Variants in FHOD3 observed in about 807,000 individuals in gnomAD.
FHOD3 encodes FH1/FH2 domain-containing protein 3.
A neutral mutation model predicts 173.0 loss-of-function variants in FHOD3; 90 were observed. That is an observed-to-expected ratio of 0.52 (90% CI 0.44 to 0.62). The LOEUF is 0.62. FHOD3 is among the 20% of genes least tolerant of loss of function. The pLI, the probability that FHOD3 is intolerant of heterozygous loss-of-function variation, is 0.00. For synonymous variants in FHOD3, 828 were observed against 823.0 expected (o/e 1.01, Z -0.10); for missense variants, 1,945 against 2,034.7 (o/e 0.96, Z 0.85).
At chr18:36,613,692 G>A (rs1422595270) in intron 9 of FHOD3, among the ~76,000 whole-genome samples, 1 of 152,090 alleles carries the variant, frequency 6.6e-6, no homozygotes, top group East Asian at 1.9e-4. Flanking sequence ...GTTGTTTTTT[G>A]AGACAGTCTC....
chr18:36,744,667 G>A (rs1309722713), intron 23 of FHOD3, among the ~76,000 whole-genome samples: 2 of 152,376 alleles, frequency 1.3e-5, no homozygotes, highest in African/African-American at 4.8e-5. Context: ...CTTGCCCAGA[G>A]GGAACATTTT....
intron 27 of FHOD3, 100 bp downstream of exon 27, chr18:36,760,882 C>T: frequency 1.5e-6 from 2 of 1,296,584 alleles, no homozygotes; most frequent in African/African-American, 1.5e-5. Flanking sequence ...CTGTGACTGG[C>T]CCTCGGCTCC....
At chr18:36,653,023 T>G (rs1311441739) in intron 12 of FHOD3, 94 bp downstream of exon 12, 1 of 1,431,482 alleles carries the variant, frequency 7.0e-7, no homozygotes, top group East Asian at 2.5e-5. Context: ...TCTGCCATGT[T>G]TTTTTGTGGA....
chr18:36,501,342 GCCATGCTGCCCTTGGGTCTC>G (rs1164260378), intron 3 of FHOD3, among the ~76,000 whole-genome samples: 1 of 152,192 alleles, frequency 6.6e-6, no homozygotes, highest in Admixed American at 6.5e-5. Flanking sequence ...CCGTAGAGCT[GCCATGCTGCCCTTGGGTCTC>G]CCATGCTGCC....
In FHOD3 at chr18:36,688,001, G is replaced by A. The variant is rs550604205; in HGVS notation, c.2021+823G>A. 4.6e-5 allele frequency among the ~76,000 whole-genome samples: 7 copies of A among 152,166 alleles called. 1 individual carries two copies. In the South Asian group the frequency reaches 1.0e-3, roughly 23 times the overall value. The stretch of plus-strand genomic sequence containing the variant: ...TTATTAAAATGTTGCTGTAATATTC[G>A]AACCAGCCTAGGTCATATAACAGAG... On this transcript the variant is annotated intron_variant, in intron 16 of 28. Transcript: ENST00000590592.
chr18:36,385,758 CA>C (rs1361124093), intron 3 of FHOD3, among the ~76,000 whole-genome samples: 2 of 152,166 alleles, frequency 1.3e-5, no homozygotes, highest in South Asian at 2.1e-4. Flanking sequence ...AAGCACTGAA[CA>C]GTCAGCATGT....
chr18:36,490,808 G>A lies in FHOD3; in HGVS notation c.338-11124G>A, dbSNP rs540772478. ...ATGGTCAGTGATTGTTTGAAAGAAG[G>A]AAAGACAGGAGGAGTTAGGATTGCC... On this transcript the variant is annotated intron_variant, in intron 3 of 28. Transcript: ENST00000590592. Among the ~76,000 whole-genome samples, 253 of 152,314 alleles carry A rather than the reference G, an allele frequency of 1.7e-3. 2 individuals carry two copies. The highest frequency in any genetic ancestry group is 6.0e-3 in the African/African-American group (251 of 41,560).
intron 9 of FHOD3, among the ~76,000 whole-genome samples, chr18:36,620,748 C>G (rs1385953677): frequency 1.3e-5 from 2 of 152,250 alleles, no homozygotes; most frequent in Non-Finnish European, 2.9e-5. Context: ...TGTAATAACT[C>G]AAGCTGTGAC....
intron 3 of FHOD3, among the ~76,000 whole-genome samples, chr18:36,435,358 G>C (rs76159674): frequency 4.6e-5 from 7 of 152,156 alleles, no homozygotes; most frequent in African/African-American, 1.7e-4. Context: ...GTATTTACAT[G>C]TAAAACAAAT....
intron 17 of FHOD3, among the ~76,000 whole-genome samples, chr18:36,708,430 A>G (rs946558776): frequency 3.3e-5 from 5 of 152,216 alleles, no homozygotes; most frequent in Admixed American, 6.5e-5. Flanking sequence ...TTAGTTTCGT[A>G]TTGCTGTGTA....
At chr18:36,635,638 G>A (rs2034829139) in intron 10 of FHOD3, among the ~76,000 whole-genome samples, 1 of 152,222 alleles carries the variant, frequency 6.6e-6, no homozygotes, top group African/African-American at 2.4e-5. Flanking sequence ...AGGGGCCTGA[G>A]GTGATTCTCT....
At chr18:36,442,719 AAAGTC>A (rs1160308682) in intron 3 of FHOD3, among the ~76,000 whole-genome samples, 1 of 152,230 alleles carries the variant, frequency 6.6e-6, no homozygotes, top group Non-Finnish European at 1.5e-5. Context: ...TACAAGCAGT[AAAGTC>A]AAGACATTAA....
chr18:36,648,576 G>T (rs2035840894), intron 10 of FHOD3, among the ~76,000 whole-genome samples: 1 of 152,106 alleles, frequency 6.6e-6, no homozygotes, highest in South Asian at 2.1e-4. Flanking sequence ...AAAATGGTCG[G>T]GGGGACTGCT....
intron 3 of FHOD3, among the ~76,000 whole-genome samples, chr18:36,376,169 A>G (rs1364788707): frequency 1.3e-5 from 2 of 152,210 alleles, no homozygotes; most frequent in African/African-American, 4.8e-5. Flanking sequence ...AAGAGAAAGG[A>G]ACTAAAGAAT....
At chr18:36,712,341 GAT>G (rs2149703380) in intron 18 of FHOD3, among the ~76,000 whole-genome samples, 1 of 152,288 alleles carries the variant, frequency 6.6e-6, no homozygotes, top group Non-Finnish European at 1.5e-5. Context: ...CAGCCATAAT[GAT>G]ATTGCTTCAG....
At chr18:36,622,664 C>T (rs113808550) in intron 9 of FHOD3, among the ~76,000 whole-genome samples, 4 of 152,210 alleles carry the variant, frequency 2.6e-5, no homozygotes, top group South Asian at 2.1e-4. Flanking sequence ...AGTGCTCCCA[C>T]GGAGGATACT....
chr18:36,367,219 C>T (rs2046942220), intron 2 of FHOD3, among the ~76,000 whole-genome samples: 1 of 152,158 alleles, frequency 6.6e-6, no homozygotes, highest in South Asian at 2.1e-4. Context: ...AGCGGTAGTG[C>T]CGTTGTGTCC....
intron 2 of FHOD3, among the ~76,000 whole-genome samples, chr18:36,363,879 G>A (rs2046755903): frequency 7.7e-6 from 1 of 130,082 alleles, no homozygotes; most frequent in African/African-American, 2.8e-5. Context: ...ATGTTAATAG[G>A]AGAAATGGGT....
intron 5 of FHOD3, among the ~76,000 whole-genome samples, chr18:36,516,076 G>C (rs1362082250): frequency 6.6e-6 from 1 of 152,190 alleles, no homozygotes; most frequent in Admixed American, 6.5e-5. Flanking sequence ...TTCATACATG[G>C]AGTCACTCCT....
Sources: allele counts gnomAD v4.1 joint callset (sites outside exome capture counted in the v4.1 genomes callset), GRCh38; gene constraint gnomAD v4.1.1; transcripts MANE v1.5; gene names NCBI Gene and HGNC (gene_info 2026-07-23, HGNC 2026-07-21).